OR2T6: variants seen among roughly 807,000 people sequenced by gnomAD.
The protein encoded by OR2T6 is olfactory receptor family 2 subfamily T member 6, also known as olfactory receptor 2T6.
For synonymous variants in OR2T6, 174 were observed against 148.0 expected, an observed-to-expected ratio of 1.18 and a Z score of -1.27; for missense variants, 424 against 391.6, an observed-to-expected ratio of 1.08 and a Z score of -0.70.
intron 1 of OR2T6, among the ~76,000 whole-genome samples, chr1:248,382,642 C>T (rs1157223048): frequency 6.6e-6 from 1 of 151,758 alleles, no homozygotes; most frequent in African/African-American, 2.4e-5. Context: ...AAGCGATCCT[C>T]CCACCTCAGC....
Position 248,387,708 on chromosome 1 carries a change from G to T in OR2T6, c.100G>T (p.Val34Phe), listed in dbSNP as rs41308164. 6.2e-7 allele frequency: 1 copy of T among 1,613,472 alleles called. No individual in the cohort carries two copies. The highest frequency in any genetic ancestry group is 1.1e-5 in the South Asian group (1 of 91,034). Residue 34 changes from valine (V) to phenylalanine (F), a missense_variant, in exon 3 of 3, where the codon GTC becomes TTC. Transcript: ENST00000641644. ...SGFFFGVICAVFFMAMIANGV... is the reference protein window; with the variant it reads ...SGFFFGVICAFFFMAMIANGV... ...ATTCTTTTTCGGTGTCATTTGTGCCGTCTTCTTCATGGCCATGATAGCTAA... is the reference window on the plus strand; with the variant it reads ...ATTCTTTTTCGGTGTCATTTGTGCCTTCTTCTTCATGGCCATGATAGCTAA...
chr1:248,376,709 G>C (rs909805232), intron 1 of OR2T6, among the ~76,000 whole-genome samples: 1 of 151,974 alleles, frequency 6.6e-6, no homozygotes, highest in African/African-American at 2.4e-5. Flanking sequence ...AGGTTTGTTA[G>C]CTGGTAATAT....
In OR2T6 at chr1:248,388,764, C is replaced by A; in HGVS notation, c.*229C>A. ...TCTAGAAACACCACTCATGTTTATT[C>A]TTCTTTTGTTTCTACTGATTCCAAG... On this transcript the variant is annotated 3_prime_UTR_variant, in exon 3 of 3. Transcript: ENST00000641644. The A allele has an allele frequency of 2.3e-6, 1 of 440,366 alleles. No homozygotes were observed. Among genetic ancestry groups the A allele is most frequent in the Non-Finnish European group, 4.0e-6 (1 of 251,338 alleles). The allele number at this position is 440,366 out of a possible 1,614,324, so 27.3% of individuals were successfully genotyped here. A position where few individuals can be genotyped will look rare whatever the true frequency, so the allele number is the denominator to read the frequency against.
chr1:248,384,065 C>T (rs1394949607), intron 1 of OR2T6, among the ~76,000 whole-genome samples: 1 of 45,338 alleles, frequency 2.2e-5, no homozygotes, highest in Non-Finnish European at 3.8e-5. Flanking sequence ...CTAGTGTTAT[C>T]ATCATGGGTA....
In OR2T6 at chr1:248,388,016, C is replaced by A. The variant is rs372971099; in HGVS notation, c.408C>A (p.Ile136=). ...ICNPLRYPVL[I]SWRVCWMILA... ...ACCCACTGCGCTATCCTGTCCTCAT[C>A]AGCTGGCGGGTCTGCTGGATGATCC... Residue 136 remains isoleucine, a synonymous_variant, in exon 3 of 3, where the codon ATC becomes ATA. Coordinates refer to ENST00000641644, the MANE Select transcript of OR2T6 (RefSeq NM_001005471.2). 114 of 1,613,310 alleles carry A rather than the reference C, an allele frequency of 7.1e-5. No individual in the cohort carries two copies. The highest frequency in any genetic ancestry group is 1.8e-4 in the Admixed American group (11 of 59,988).
rs772633288 is a variant in OR2T6, at chr1:248,387,842, G to A, written c.234G>A (p.Val78=). The part of the protein sequence containing the change: ...VIDTLYISTI[V]PKMLVDYLMG... ...ACACATTATACATCTCCACCATTGT[G>A]CCCAAGATGCTGGTAGATTATCTCA... The change falls in exon 3 of 3, where the codon GTG becomes GTA. Residue 78 remains valine, a synonymous_variant. Coordinates refer to ENST00000641644, the MANE Select transcript of OR2T6 (RefSeq NM_001005471.2). 1 of 1,601,244 alleles carries A rather than the reference G, an allele frequency of 6.2e-7. No individual in the cohort carries two copies. Among genetic ancestry groups the A allele is most frequent in the Admixed American group, 1.7e-5 (1 of 59,550 alleles).
chr1:248,380,128 G>T (rs1661006512), intron 1 of OR2T6, among the ~76,000 whole-genome samples: 1 of 151,734 alleles, frequency 6.6e-6, no homozygotes, highest in Non-Finnish European at 1.5e-5. Flanking sequence ...TGCATATTAA[G>T]AATTTTGACT....
Position 248,387,270 on chromosome 1 carries a change from C to T in OR2T6, c.-4-335C>T, listed in dbSNP as rs548163889. 2.6e-5 allele frequency among the ~76,000 whole-genome samples: 4 copies of T among 152,232 alleles called. No individual in the cohort carries two copies. In the East Asian group the frequency reaches 7.7e-4, roughly 29 times the overall value. ...TGGATCAATAGTCTTTCAGTTGTAT[C>T]CACATTTTAAGTAAATGGAGCCAAC... On this transcript the variant is annotated intron_variant, in intron 2 of 2. Transcript: ENST00000641644.
intron 1 of OR2T6, among the ~76,000 whole-genome samples, chr1:248,381,457 G>A (rs546086955): frequency 1.3e-5 from 2 of 151,960 alleles, no homozygotes; most frequent in Non-Finnish European, 2.9e-5. Flanking sequence ...GTGAATACTG[G>A]ATCACAATAA....
At chr1:248,386,670 A>G (rs1312933943) in intron 2 of OR2T6, among the ~76,000 whole-genome samples, 1 of 152,154 alleles carries the variant, frequency 6.6e-6, no homozygotes, top group Non-Finnish European at 1.5e-5. Flanking sequence ...ACTGATCACT[A>G]ATATCTCACT....
At chr1:248,376,173 A>G (rs1660936809) in intron 1 of OR2T6, 119 bp downstream of exon 1, 1 of 152,196 alleles carries the variant, frequency 6.6e-6, no homozygotes, top group South Asian at 2.1e-4. Flanking sequence ...ATTTAAGATA[A>G]TTCAGATATT....
At chr1:248,378,731 A>T (rs1482724581) in intron 1 of OR2T6, among the ~76,000 whole-genome samples, 1 of 152,222 alleles carries the variant, frequency 6.6e-6, no homozygotes, top group Admixed American at 6.5e-5. Flanking sequence ...GTCCTTTCAG[A>T]TCAAATTTAT....
intron 1 of OR2T6, among the ~76,000 whole-genome samples, chr1:248,377,854 T>C (rs898292599): frequency 1.4e-4 from 21 of 152,202 alleles, no homozygotes; most frequent in African/African-American, 4.6e-4. Context: ...CCCAAAACTT[T>C]CCAGGCTGAC....
rs1161979773 is a variant in OR2T6 at position 248,388,322 on chromosome 1, T to C, written c.714T>C (p.Phe238=). 6.2e-7 allele frequency: 1 copy of C among 1,613,740 alleles called. No homozygotes were observed. The highest frequency in any genetic ancestry group is 2.2e-5 in the East Asian group (1 of 44,854). The change falls in exon 3 of 3, where the codon TTT becomes TTC. Residue 238 remains phenylalanine, a synonymous_variant. Coordinates refer to ENST00000641644, the MANE Select transcript of OR2T6 (RefSeq NM_001005471.2). The part of the protein sequence containing the change: ...MTSAEGRKKA[F]ATCSSHMMVV... ...CGGCTGAAGGGAGGAAGAAGGCCTT[T>C]GCCACCTGCTCTTCACACATGATGG...
intron 2 of OR2T6, 148 bp from the exon 3 acceptor site, chr1:248,387,457 T>C (rs1285074053): frequency 6.6e-6 from 3 of 456,788 alleles, no homozygotes; most frequent in African/African-American, 1.9e-5. Flanking sequence ...AAAAGGAAGC[T>C]ACAAATCTAC....
chr1:248,381,161 C>G (rs1661023079), intron 1 of OR2T6, among the ~76,000 whole-genome samples: 1 of 151,910 alleles, frequency 6.6e-6, no homozygotes. Flanking sequence ...GACACCCAAA[C>G]ACACATGTAC....
intron 2 of OR2T6, among the ~76,000 whole-genome samples, 196 bp downstream of exon 2, chr1:248,385,060 A>C (rs1230724505): frequency 6.6e-6 from 1 of 151,964 alleles, no homozygotes; most frequent in Non-Finnish European, 1.5e-5. Context: ...TACTTGCAAA[A>C]CTCTACCCTT....
chr1:248,377,751 A>T (rs61304640), intron 1 of OR2T6, among the ~76,000 whole-genome samples: 31,166 of 152,122 alleles, frequency 0.2, 3,512 homozygotes, highest in East Asian at 0.42. Context: ...TGTATTCCTG[A>T]TTCTTCAATC....
rs1419648242 is a variant in OR2T6, at chr1:248,388,312, A to C, written c.704A>C (p.Lys235Thr). ...VHQMTSAEGR[K>T]KAFATCSSHM... ...CAGATGACATCGGCTGAAGGGAGGA[A>C]GAAGGCCTTTGCCACCTGCTCTTCA... is the stretch of plus-strand genomic sequence containing the variant. Residue 235 changes from lysine (K) to threonine (T), a missense_variant, in exon 3 of 3, where the codon AAG becomes ACG. Physicochemically the swap from Lys to Thr is moderately conservative, Grantham distance 78. Transcript: ENST00000641644. 6.2e-7 allele frequency: 1 copy of C among 1,613,708 alleles called. No homozygotes were observed.
Sources: allele counts gnomAD v4.1 joint callset (sites outside exome capture counted in the v4.1 genomes callset), GRCh38; gene constraint gnomAD v4.1.1; transcripts MANE v1.5; gene names NCBI Gene and HGNC (gene_info 2026-07-23, HGNC 2026-07-21).